The following NPHP3 variants were observed in gnomAD, a reference collection of about 807,000 sequenced individuals.
NPHP3 encodes the protein nephrocystin 3.
A neutral mutation model predicts 171.9 loss-of-function variants in NPHP3; 123 were observed. The observed-to-expected ratio is 0.72, with a 90% CI of 0.62 to 0.83. The LOEUF (loss-of-function observed/expected upper bound fraction) is 0.83, where lower values mean the gene tolerates loss of function less well. Ranked by LOEUF, NPHP3 falls within the 40% of genes least tolerant of loss-of-function variation. The pLI, the probability that NPHP3 is intolerant of heterozygous loss-of-function variation, is 0.00. For missense variants in NPHP3, 1,506 were observed against 1,591.9 expected (o/e 0.95, Z 0.92); for synonymous variants, 558 against 579.2 (o/e 0.96, Z 0.52).
Position 132,704,279 on chromosome 3 carries a change from C to T in NPHP3, c.1443G>A (p.Leu481=), listed in dbSNP as rs1939690300. ...GCTCTTGTTCATCATGTATGTCCCA[C>T]AGAACATCACCAAAATCATCTTCTT... ...IPEEDDFGDV[L]WDIHDEQEQM... is the part of the protein sequence containing the mutation. The change falls in exon 9 of 27, where the codon CTG becomes CTA. Residue 481 remains leucine (L), a synonymous_variant. Coordinates refer to ENST00000337331, the MANE Select transcript of NPHP3 (RefSeq NM_153240.5). The T allele has an allele frequency of 1.9e-6, 3 of 1,614,142 alleles. No individual in the cohort carries two copies. The highest frequency in any genetic ancestry group is 8.5e-7 in the Non-Finnish European group (1 of 1,179,978).
intron 1 of NPHP3, 152 bp downstream of exon 1, chr3:132,721,811 T>G: frequency 1.0e-6 from 1 of 982,552 alleles, no homozygotes; most frequent in Non-Finnish European, 1.6e-6. Context: ...AGGGGAGGGT[T>G]AAGGAATCAT....
rs145085542 is a variant in NPHP3, at chr3:132,698,426, C to A, written c.1985+927G>T. Among the ~76,000 whole-genome samples the A allele has an allele frequency of 1.9e-3, 289 of 152,084 alleles. 1 individual carries two copies. Among genetic ancestry groups the A allele is most frequent in the African/African-American group, 6.8e-3 (284 of 41,472 alleles). Reference sequence around the variant, plus strand: ...CCGAGTAGATGGGATTACAAGCACCCGCCACCATGCCTGGCTAATTTTTGT... The same window carrying A: ...CCGAGTAGATGGGATTACAAGCACCAGCCACCATGCCTGGCTAATTTTTGT... On this transcript the variant is annotated intron_variant, in intron 13 of 26. Transcript: ENST00000337331.
At position 132,681,351 on chromosome 3, in the gene NPHP3, C is replaced by T. The variant is rs1939023078; in HGVS notation, c.*559G>A. On this transcript the variant is annotated 3_prime_UTR_variant, in exon 27 of 27. Coordinates refer to ENST00000337331, the MANE Select transcript of NPHP3 (RefSeq NM_153240.5). ...CAATCTCAGCTCATAGCAACCTCCA[C>T]TTGCTGAGTTCAAGCGATTCTCATG... is the stretch of plus-strand genomic sequence containing the variant. 1 of 152,854 alleles carries T rather than the reference C, an allele frequency of 6.5e-6. No homozygotes were observed. The highest frequency in any genetic ancestry group is 6.5e-5 in the Admixed American group (1 of 15,410). The allele number at this position is 152,854 out of a possible 1,614,324, so 9.5% of individuals were successfully genotyped here.
At chr3:132,695,555 A>T (rs991167629) in intron 15 of NPHP3, among the ~76,000 whole-genome samples, 2 of 152,160 alleles carry the variant, frequency 1.3e-5, no homozygotes, top group Non-Finnish European at 2.9e-5. Context: ...AATTACTCAC[A>T]CTCTTGAATC....
chr3:132,718,851 A>G, intron 3 of NPHP3, 143 bp downstream of exon 3: 1 of 794,104 alleles, frequency 1.3e-6, no homozygotes, highest in South Asian at 1.6e-5. Flanking sequence ...TGACAGAGAG[A>G]ACACACGACA....
chr3:132,700,357 T>C lies in NPHP3; in HGVS notation c.1720A>G (p.Ile574Val), dbSNP rs755013227. 6.2e-7 allele frequency: 1 copy of C among 1,608,962 alleles called. No individual in the cohort carries two copies. The highest frequency in any genetic ancestry group is 1.7e-5 in the Admixed American group (1 of 60,008). The change falls in exon 11 of 27, where the codon ATT (isoleucine) becomes GTT (valine). Residue 574 changes from isoleucine to valine, a missense_variant. By Grantham distance (29) the Ile-to-Val change is conservative (BLOSUM62 3). Around this residue, in one of 3 missense-constraint regions of NPHP3, gnomAD observed 930 missense variants for 924.9 expected, o/e 1.01. Transcript: ENST00000337331. ...PMSTSSESSL[I>V]IKRLTLKLMQ... Reference sequence around the variant, plus strand: ...ACCTTTAGAGTTAGTCGTTTAATAATCAAGGAGGACTCTGAGCTGGTTGAC... The same window carrying C: ...ACCTTTAGAGTTAGTCGTTTAATAACCAAGGAGGACTCTGAGCTGGTTGAC...
In NPHP3 at chr3:132,708,105, G is replaced by A; in HGVS notation, c.1271C>T (p.Ala424Val). 6.2e-7 allele frequency: 1 copy of A among 1,614,056 alleles called. No individual in the cohort carries two copies. Among genetic ancestry groups the A allele is most frequent in the Non-Finnish European group, 8.5e-7 (1 of 1,179,992 alleles). ...AAAAATGCCTATGAATTTTACCTTG[G>A]CTTTGCTGGTCTTGTTTAGATTAGA... ...QVSNLNKTSK[A>V]KIIDHSGDPA... Residue 424 changes from alanine to valine, a missense_variant, in exon 7 of 27, where the codon GCC (alanine) becomes GTC (valine). Ala to Val is a moderately conservative substitution (Grantham distance 64, BLOSUM62 0). Coordinates refer to ENST00000337331, the MANE Select transcript of NPHP3 (RefSeq NM_153240.5).
intron 19 of NPHP3, among the ~76,000 whole-genome samples, chr3:132,689,863 T>A (rs770795776): frequency 3.3e-5 from 5 of 151,784 alleles, no homozygotes; most frequent in Non-Finnish European, 5.9e-5. Context: ...GGAATGGAGA[T>A]CAGAAATAAG....
rs538317431 is a variant in NPHP3, at chr3:132,722,198, G to C, written c.158C>G (p.Ala53Gly). The C allele has an allele frequency of 2.8e-5, 43 of 1,509,598 alleles. No individual in the cohort carries two copies. The East Asian group carries it at 1.0e-3, about 35-fold the overall frequency. The allele number at this position is 1,509,598 out of a possible 1,614,324, so 93.5% of individuals were successfully genotyped here. ...NSFRRGAGAA[A>G]GAGPGSLPRG... ...GGGCAGCGACCCGGGCCCGGCCCCTGCTGCCGCCCCCGCGCCTCGGCGGAA... is the reference window on the plus strand; with the variant it reads ...GGGCAGCGACCCGGGCCCGGCCCCTCCTGCCGCCCCCGCGCCTCGGCGGAA... The change falls in exon 1 of 27, where the codon GCA (alanine) becomes GGA (glycine). Residue 53 changes from alanine (A) to glycine (G), a missense_variant. Coordinates refer to ENST00000337331, the MANE Select transcript of NPHP3 (RefSeq NM_153240.5).
At chr3:132,705,666 T>C (rs912457829) in intron 8 of NPHP3, 74 bp downstream of exon 8, 16 of 838,522 alleles carry the variant, frequency 1.9e-5, no homozygotes, top group South Asian at 1.6e-4. Context: ...AGTGGTTTTC[T>C]CTGGAAAAAT....
chr3:132,692,678 G>A lies in NPHP3; in HGVS notation c.2451C>T (p.Gly817=). 1 of 1,613,968 alleles carries A rather than the reference G, an allele frequency of 6.2e-7. No individual in the cohort carries two copies. The highest frequency in any genetic ancestry group is 8.5e-7 in the Non-Finnish European group (1 of 1,179,896). ...YKMCLLTYGC[G]LLRFQHLQAW... ...CCTGCAGATGTTGAAACCTAAGCAA[G>A]CCACATCCATAAGTCAACAAACACA... The change falls in exon 17 of 27, where the codon GGC becomes GGT. Residue 817 remains glycine, a synonymous_variant. Coordinates refer to ENST00000337331, the MANE Select transcript of NPHP3 (RefSeq NM_153240.5).
At chr3:132,686,798 C>T (rs974650230) in intron 22 of NPHP3, among the ~76,000 whole-genome samples, 5 of 152,050 alleles carry the variant, frequency 3.3e-5, no homozygotes, top group Admixed American at 6.5e-5. Context: ...ATTAAAATAA[C>T]TTTTATTGTG....
intron 5 of NPHP3, among the ~76,000 whole-genome samples, 171 bp downstream of exon 5, chr3:132,714,914 T>C (rs961051959): frequency 2.0e-5 from 3 of 152,246 alleles, no homozygotes; most frequent in Admixed American, 6.5e-5. Context: ...TTTCTTTACA[T>C]ATAATATTGA....
chr3:132,688,867 A>C lies in NPHP3; in HGVS notation c.2908T>G (p.Leu970Val). ...TCTAAAGCTGTTTCTCGAATCTCTAAAGACCTCTGCAAAGGTACTATGGCC... is the reference window on the plus strand; with the variant it reads ...TCTAAAGCTGTTTCTCGAATCTCTACAGACCTCTGCAAAGGTACTATGGCC... ...SQAIVPLQRS[L>V]EIRETALDPD... is the part of the protein sequence containing the mutation. Residue 970 changes from leucine (L) to valine (V), a missense_variant, in exon 21 of 27, where the codon TTA (leucine) becomes GTA (valine). Leu to Val is a conservative substitution (Grantham distance 32, BLOSUM62 1). Coordinates refer to ENST00000337331, the MANE Select transcript of NPHP3 (RefSeq NM_153240.5). 1 of 1,614,080 alleles carries C rather than the reference A, an allele frequency of 6.2e-7. No individual in the cohort carries two copies. The highest frequency in any genetic ancestry group is 8.5e-7 in the Non-Finnish European group (1 of 1,179,992).
At chr3:132,695,029 T>C in intron 15 of NPHP3, 64 bp from the exon 16 acceptor site, 1 of 1,538,478 alleles carries the variant, frequency 6.5e-7, no homozygotes, top group Non-Finnish European at 9.0e-7. Flanking sequence ...AATTTTGAGA[T>C]CGATTAAAAA....
At chr3:132,715,394 C>CTAT (rs1282238603) in intron 4 of NPHP3, among the ~76,000 whole-genome samples, 176 bp from the exon 5 acceptor site, 1 of 152,204 alleles carries the variant, frequency 6.6e-6, no homozygotes. Context: ...AACTCAAATT[C>CTAT]TATCCTAGGA....
intron 6 of NPHP3, among the ~76,000 whole-genome samples, chr3:132,709,431 C>T (rs563292875): frequency 5.3e-5 from 8 of 151,888 alleles, no homozygotes; most frequent in Non-Finnish European, 8.8e-5. Context: ...CACAGGCACA[C>T]GCCACCACAC....
rs1008924767 is a variant in NPHP3, at chr3:132,699,805, T to C, written c.1887+113A>G. ...CCTCCCTAGAAATAAAGCAGAAATA[T>C]AAAAAATAACATCATATTTTCTTCT... is the stretch of plus-strand genomic sequence containing the variant. On this transcript the variant is annotated intron_variant, in intron 12 of 26. Coordinates refer to ENST00000337331, the MANE Select transcript of NPHP3 (RefSeq NM_153240.5). 9.1e-6 allele frequency: 11 copies of C among 1,205,904 alleles called. 1 individual carries two copies. In the African/African-American group the frequency reaches 1.1e-4, roughly 12 times the overall value. The allele number at this position is 1,205,904 out of a possible 1,614,324, so 74.7% of individuals were successfully genotyped here.
intron 26 of NPHP3, chr3:132,682,318 T>C (rs185294125): frequency 3.5e-6 from 2 of 579,018 alleles, no homozygotes; most frequent in East Asian, 2.9e-5. Flanking sequence ...CATGTTGTAA[T>C]AGAGGCAGTG....
Sources: allele counts gnomAD v4.1 joint callset (sites outside exome capture counted in the v4.1 genomes callset), GRCh38; gene constraint gnomAD v4.1.1; regional missense constraint gnomAD v4.1.1; transcripts MANE v1.5; gene names NCBI Gene and HGNC (gene_info 2026-07-23, HGNC 2026-07-21).